The following R3HDM1 variants were observed in gnomAD, a reference collection of about 807,000 sequenced individuals.
R3HDM1 encodes the protein R3H domain-containing protein 1.
R3HDM1 carries 46 observed loss-of-function variants against 141.1 expected under a neutral mutation model. The observed-to-expected ratio is 0.33, with a 90% CI of 0.26 to 0.42. The LOEUF (loss-of-function observed/expected upper bound fraction) is 0.42, where lower values mean the gene tolerates loss of function less well. Ranked by LOEUF, R3HDM1 falls within the 10% of genes least tolerant of loss-of-function variation. The probability of loss-of-function intolerance (pLI) is 1.00; values close to 1 mark genes in which losing one functional copy is unlikely to be tolerated. For missense variants in R3HDM1, 1,184 were observed against 1,368.3 expected, an observed-to-expected ratio of 0.87 and a Z score of 2.12; for synonymous variants, 435 against 472.9, an observed-to-expected ratio of 0.92 and a Z score of 1.04.
chr2:135,641,642 C>T lies in R3HDM1; in HGVS notation c.1326C>T (p.Val442=), dbSNP rs755809509. 12 of 1,614,012 alleles carry T rather than the reference C, an allele frequency of 7.4e-6. No individual in the cohort carries two copies. The Middle Eastern group carries it at 1.2e-3, about 155-fold the overall frequency. ...GCCAGTCTTCTCATGGCGCACCTGT[C>T]GTCTATCCAACTGTCAGCACTCATA... The part of the protein sequence containing the change: ...ALSQSSHGAP[V]VYPTVSTHSS... The change falls in exon 15 of 27, where the codon GTC becomes GTT. Residue 442 remains valine (V), a synonymous_variant. Transcript: ENST00000683871.
At chr2:135,587,035 A>G in intron 1 of R3HDM1, 1 of 959,174 alleles carries the variant, frequency 1.0e-6, no homozygotes, top group Non-Finnish European at 1.2e-6. Context: ...AATAATTTTT[A>G]AAGTGCTTGT....
intron 15 of R3HDM1, 116 bp from the exon 16 acceptor site, chr2:135,645,245 TTGTTTTCAAATATTAGGG>T: frequency 1.3e-6 from 1 of 747,728 alleles, no homozygotes; most frequent in Non-Finnish European, 2.1e-6. Context: ...AAGGAAATCT[TTGTTTTCAAATATTAGGG>T]TTTTTTTTTA....
chr2:135,644,190 G>A (rs534202137), intron 15 of R3HDM1, among the ~76,000 whole-genome samples: 1 of 152,206 alleles, frequency 6.6e-6, no homozygotes, highest in Non-Finnish European at 1.5e-5. Flanking sequence ...TTTGTAATAA[G>A]AAAAAGTTGT....
chr2:135,723,361 GATCCACCCACCTCAGCCTCCCAAAGTA>G (rs1277226085), intron 26 of R3HDM1, among the ~76,000 whole-genome samples: 1 of 151,750 alleles, frequency 6.6e-6, no homozygotes, highest in Non-Finnish European at 1.5e-5. Flanking sequence ...GACCTCAGGT[GATCCACCCACCTCAGCCTCCCAAAGTA>G]CTAGGATTAC....
At chr2:135,708,718 G>A (rs2075247387) in intron 21 of R3HDM1, among the ~76,000 whole-genome samples, 1 of 152,122 alleles carries the variant, frequency 6.6e-6, no homozygotes, top group Admixed American at 6.5e-5. Context: ...CCAGCATGTG[G>A]GGAAGCTGAG....
intron 19 of R3HDM1, among the ~76,000 whole-genome samples, chr2:135,664,797 G>GAA (rs2067251346): frequency 2.0e-5 from 3 of 152,174 alleles, no homozygotes; most frequent in Admixed American, 6.5e-5. Flanking sequence ...AAGAAACCCT[G>GAA]GCTACACACA....
chr2:135,638,021 T>C (rs181756460), intron 11 of R3HDM1, among the ~76,000 whole-genome samples: 17 of 152,340 alleles, frequency 1.1e-4, no homozygotes, highest in African/African-American at 4.1e-4. Flanking sequence ...CGCTATAGTT[T>C]GCTGACACTG....
At chr2:135,607,304 A>AG (rs2060161600) in intron 3 of R3HDM1, 1 of 985,272 alleles carries the variant, frequency 1.0e-6, no homozygotes, top group African/African-American at 1.7e-5. Flanking sequence ...CTGTTTTTAA[A>AG]GGTTTTCTCA....
At chr2:135,672,464 C>T (rs2068533977) in intron 19 of R3HDM1, among the ~76,000 whole-genome samples, 1 of 152,106 alleles carries the variant, frequency 6.6e-6, no homozygotes, top group Non-Finnish European at 1.5e-5. Context: ...AAGTCCAAGC[C>T]CAAATGTCAC....
intron 19 of R3HDM1, among the ~76,000 whole-genome samples, chr2:135,665,000 T>C (rs757290487): frequency 1.1e-4 from 17 of 152,164 alleles, no homozygotes; most frequent in Non-Finnish European, 2.5e-4. Flanking sequence ...ACTGTAAAAC[T>C]CCATAATTCT....
intron 20 of R3HDM1, 102 bp downstream of exon 20, chr2:135,675,588 A>G: frequency 1.7e-6 from 2 of 1,204,612 alleles, no homozygotes; most frequent in Non-Finnish European, 1.1e-6. Context: ...TACAGGAAAA[A>G]CATTTCTGTA....
rs190917416 is a variant in R3HDM1, at chr2:135,695,546, A to G, written c.2460-13887A>G. 3.9e-5 allele frequency among the ~76,000 whole-genome samples: 6 copies of G among 152,364 alleles called. No individual in the cohort carries two copies. The East Asian group carries it at 1.2e-3, about 29-fold the overall frequency. ...CCCACAGATCCAACAAGCTCAGCAA[A>G]TCCAAGCAAAAGAAATGTGAAGAAA... is the stretch of plus-strand genomic sequence containing the variant. On this transcript the variant is annotated intron_variant, in intron 21 of 26. Coordinates refer to ENST00000683871, the MANE Select transcript of R3HDM1 (RefSeq NM_001378107.1).
chr2:135,684,357 G>A (rs1403734722), intron 21 of R3HDM1, among the ~76,000 whole-genome samples: 1 of 152,142 alleles, frequency 6.6e-6, no homozygotes, highest in Non-Finnish European at 1.5e-5. Context: ...CCAAAGTGCT[G>A]GGATTACAGG....
intron 21 of R3HDM1, among the ~76,000 whole-genome samples, chr2:135,680,922 T>C (rs1258522967): frequency 6.6e-6 from 1 of 152,170 alleles, no homozygotes; most frequent in East Asian, 1.9e-4. Flanking sequence ...TGGAGTGTAA[T>C]ATTTAAGGTT....
chr2:135,713,996 G>A (rs372692961), intron 23 of R3HDM1, among the ~76,000 whole-genome samples: 2 of 151,884 alleles, frequency 1.3e-5, no homozygotes, highest in Non-Finnish European at 2.9e-5. Flanking sequence ...ATGTAGAATC[G>A]TGAAATTAAA....
At chr2:135,646,480 G>A (rs2064437900) in intron 16 of R3HDM1, among the ~76,000 whole-genome samples, 1 of 151,860 alleles carries the variant, frequency 6.6e-6, no homozygotes, top group Non-Finnish European at 1.5e-5. Context: ...AGTTCCTGTA[G>A]TTAGTTATAC....
chr2:135,723,796 AAAAAAAAAAG>A, intron 26 of R3HDM1, 131 bp from the exon 27 acceptor site: 2 of 595,070 alleles, frequency 3.4e-6, no homozygotes, highest in Non-Finnish European at 2.8e-6. Flanking sequence ...AAAAAAAAAA[AAAAAAAAAAG>A]ATGGCCCTAA....
chr2:135,554,973 C>T (rs1008128775), intron 1 of R3HDM1, among the ~76,000 whole-genome samples: 3 of 152,140 alleles, frequency 2.0e-5, no homozygotes, highest in African/African-American at 7.2e-5. Context: ...GTTTTGATGA[C>T]ACACACTCCT....
At chr2:135,721,521 T>C (rs1412930002) in intron 24 of R3HDM1, 2 of 175,824 alleles carry the variant, frequency 1.1e-5, no homozygotes, top group East Asian at 3.0e-4. Flanking sequence ...TATGCCACCA[T>C]ACTTGTTTCC....
Sources: allele counts gnomAD v4.1 joint callset (sites outside exome capture counted in the v4.1 genomes callset), GRCh38; gene constraint gnomAD v4.1.1; transcripts MANE v1.5; gene names NCBI Gene and HGNC (gene_info 2026-07-23, HGNC 2026-07-21).